MGAT4C: variants seen among roughly 807,000 people sequenced by gnomAD.
The protein encoded by MGAT4C is alpha-1,3-mannosyl-glycoprotein 4-beta-N-acetylglucosaminyltransferase C.
In MGAT4C, 19 loss-of-function variants were observed where a neutral mutation model predicts 40.1. That is an observed-to-expected ratio of 0.47 (90% CI 0.33 to 0.70). The LOEUF is 0.70. Ranked by LOEUF, MGAT4C falls within the 30% of genes least tolerant of loss-of-function variation. The pLI is 0.02. For missense variants in MGAT4C, 491 were observed against 563.2 expected (o/e 0.87, Z 1.30); for synonymous variants, 181 against 187.1 (o/e 0.97, Z 0.27).
At chr12:86,127,125 G>A (rs1880412880) in intron 1 of MGAT4C, among the ~76,000 whole-genome samples, 1 of 152,132 alleles carries the variant, frequency 6.6e-6, no homozygotes, top group South Asian at 2.1e-4. Flanking sequence ...TTCCAAACAG[G>A]CCACTGATGG....
intron 2 of MGAT4C, among the ~76,000 whole-genome samples, chr12:86,523,826 T>C (rs1565824756): frequency 1.3e-5 from 2 of 152,166 alleles, no homozygotes; most frequent in Non-Finnish European, 2.9e-5. Context: ...ATTTAACCCT[T>C]TATCATTATT....
chr12:86,541,550 A>G (rs1258166471), intron 2 of MGAT4C, among the ~76,000 whole-genome samples: 3 of 152,222 alleles, frequency 2.0e-5, no homozygotes, highest in Non-Finnish European at 4.4e-5. Context: ...GCAGCTGAAA[A>G]TGGCAAATTA....
intron 1 of MGAT4C, among the ~76,000 whole-genome samples, chr12:86,807,011 G>GTATA (rs35425728): frequency 1.7e-4 from 26 of 149,812 alleles, no homozygotes; most frequent in African/African-American, 4.1e-4. Flanking sequence ...AAAATAAAAA[G>GTATA]TATATATATA....
chr12:86,052,134 T>G (rs1296273113), intron 1 of MGAT4C, among the ~76,000 whole-genome samples: 1 of 151,794 alleles, frequency 6.6e-6, no homozygotes, highest in Non-Finnish European at 1.5e-5. Flanking sequence ...AAGATAATTA[T>G]ACATTTTTAT....
intron 3 of MGAT4C, among the ~76,000 whole-genome samples, chr12:86,408,228 T>A (rs1007848170): frequency 6.6e-6 from 1 of 151,948 alleles, no homozygotes; most frequent in Non-Finnish European, 1.5e-5. Flanking sequence ...GTATGCTTCA[T>A]TTTGTAAGTC....
chr12:86,265,510 C>A (rs1326219082), intron 4 of MGAT4C, among the ~76,000 whole-genome samples: 6 of 152,142 alleles, frequency 3.9e-5, no homozygotes, highest in Non-Finnish European at 5.9e-5. Flanking sequence ...CTATTCTGTT[C>A]CATTGATTTA....
In MGAT4C at chr12:86,611,614, T is replaced by C. The variant is rs1230241781; in HGVS notation, c.-229+115595A>G. 3.3e-5 allele frequency among the ~76,000 whole-genome samples: 5 copies of C among 152,266 alleles called. No individual in the cohort carries two copies. In the East Asian group the frequency reaches 9.7e-4, roughly 29 times the overall value. On this transcript the variant is annotated intron_variant, in intron 2 of 7. Transcript: ENST00000548651. ...TGTAGTACTGCTTTTGCACTCCTTA[T>C]CTCCTCGCATCTCAGTTTTCTTCAA...
intron 2 of MGAT4C, among the ~76,000 whole-genome samples, chr12:86,666,186 G>T (rs923378251): frequency 3.3e-5 from 5 of 152,062 alleles, no homozygotes; most frequent in East Asian, 1.9e-4. Flanking sequence ...TGTCACAAAG[G>T]TACCATTAGA....
At chr12:86,754,200 A>T (rs1160896029) in intron 1 of MGAT4C, among the ~76,000 whole-genome samples, 2 of 152,160 alleles carry the variant, frequency 1.3e-5, no homozygotes, top group African/African-American at 2.4e-5. Context: ...GCATAAACAA[A>T]TCTCAAAATA....
At chr12:86,566,893 T>C (rs1229596354) in intron 2 of MGAT4C, among the ~76,000 whole-genome samples, 3 of 151,640 alleles carry the variant, frequency 2.0e-5, no homozygotes, top group African/African-American at 7.3e-5. Context: ...TCCATCATGG[T>C]ATTTCACATA....
At chr12:86,097,479 A>C (rs1039662055) in intron 1 of MGAT4C, among the ~76,000 whole-genome samples, 3 of 151,626 alleles carry the variant, frequency 2.0e-5, no homozygotes, top group African/African-American at 4.8e-5. Context: ...TCTTTTCAAT[A>C]TCACATTTTT....
At chr12:86,345,987 C>T (rs1955023957) in intron 3 of MGAT4C, among the ~76,000 whole-genome samples, 1 of 152,106 alleles carries the variant, frequency 6.6e-6, no homozygotes, top group African/African-American at 2.4e-5. Context: ...TTTTGATTTG[C>T]ATTTCTCTGA....
chr12:86,330,588 T>C (rs941405698), intron 4 of MGAT4C, among the ~76,000 whole-genome samples: 19 of 152,184 alleles, frequency 1.2e-4, no homozygotes, highest in African/African-American at 3.9e-4. Flanking sequence ...ACAAAGTCTA[T>C]CTGTAAATAT....
At chr12:86,334,012 A>C (rs1038926857) in intron 4 of MGAT4C, 1 of 152,180 alleles carries the variant, frequency 6.6e-6, no homozygotes, top group African/African-American at 2.4e-5. Flanking sequence ...TCATATTACC[A>C]GGACAGTTAT....
At chr12:86,292,648 T>C (rs1953552476) in intron 4 of MGAT4C, among the ~76,000 whole-genome samples, 2 of 152,264 alleles carry the variant, frequency 1.3e-5, no homozygotes, top group South Asian at 4.1e-4. Flanking sequence ...ACAGTTTACA[T>C]CACCCATATT....
chr12:86,304,274 T>G (rs1000488222), intron 4 of MGAT4C, among the ~76,000 whole-genome samples: 1 of 150,646 alleles, frequency 6.6e-6, no homozygotes, highest in Non-Finnish European at 1.5e-5. Flanking sequence ...AGTTCACTCT[T>G]TGAGCTGATT....
chr12:86,156,564 G>A (rs1246463455), intron 1 of MGAT4C, among the ~76,000 whole-genome samples: 1 of 152,112 alleles, frequency 6.6e-6, no homozygotes, highest in Non-Finnish European at 1.5e-5. Flanking sequence ...CAGGTGAGCT[G>A]CCCACCTTGG....
chr12:85,982,943 C>T (rs531277651), intron 4 of MGAT4C, among the ~76,000 whole-genome samples: 1 of 152,188 alleles, frequency 6.6e-6, no homozygotes, highest in Non-Finnish European at 1.5e-5. Context: ...CAAAGAGTAC[C>T]AGAAGCAAAG....
chr12:86,093,772 A>C (rs550414725), intron 1 of MGAT4C, among the ~76,000 whole-genome samples: 4 of 127,478 alleles, frequency 3.1e-5, no homozygotes, highest in Admixed American at 8.1e-5. Context: ...AACAACAACA[A>C]CACCTACAAG....
Sources: gnomAD v4.1 joint callset for allele counts (sites outside exome capture counted in the v4.1 genomes callset) on GRCh38, gnomAD v4.1.1 for gene constraint, MANE v1.5 for transcripts, NCBI Gene and HGNC (gene_info 2026-07-23, HGNC 2026-07-21) for gene names.